Variants in PPARGC1A observed in about 807,000 individuals in gnomAD.
PPARGC1A encodes the protein peroxisome proliferator-activated receptor gamma coactivator 1-alpha.
In PPARGC1A, 25 loss-of-function variants were observed where a neutral mutation model predicts 88.7. That is an observed-to-expected ratio of 0.28 (90% confidence interval 0.21 to 0.39). PPARGC1A has a LOEUF of 0.39. PPARGC1A is among the 10% of genes least tolerant of loss of function. The pLI is 1.00. For missense variants in PPARGC1A, 880 were observed against 968.7 expected, an observed-to-expected ratio of 0.91 and a Z score of 1.22; for synonymous variants, 363 against 355.6, an observed-to-expected ratio of 1.02 and a Z score of -0.24.
At chr4:24,223,357 C>G in the PPARGC1A span, among the ~76,000 whole-genome samples, 3 of 149,732 alleles carry the variant, frequency 2.0e-5, no homozygotes, top group African/African-American at 7.4e-5. Context: ...TCAAGCGATT[C>G]TCCTGCCTCA....
chr4:23,911,477 A>G, the PPARGC1A span, among the ~76,000 whole-genome samples: 1 of 152,206 alleles, frequency 6.6e-6, no homozygotes, highest in Non-Finnish European at 1.5e-5. Context: ...GATACAATAT[A>G]GAGCTAGAGT....
chr4:24,202,413 A>G, the PPARGC1A span, among the ~76,000 whole-genome samples: 1 of 152,182 alleles, frequency 6.6e-6, no homozygotes, highest in Non-Finnish European at 1.5e-5. Context: ...ACAGAGAGCC[A>G]GGCACATGCA....
chr4:23,945,339 C>A, the PPARGC1A span, among the ~76,000 whole-genome samples: 1 of 151,990 alleles, frequency 6.6e-6, no homozygotes. Context: ...AATAAACATG[C>A]ATGCATATAC....
the PPARGC1A span, among the ~76,000 whole-genome samples, chr4:24,063,105 CTCT>C: frequency 7.9e-5 from 12 of 152,134 alleles, no homozygotes; most frequent in Non-Finnish European, 1.2e-4. Context: ...TGGCAAGTCC[CTCT>C]TCTTCTTGGC....
At chr4:23,922,935 T>C in the PPARGC1A span, among the ~76,000 whole-genome samples, 1 of 152,146 alleles carries the variant, frequency 6.6e-6, no homozygotes, top group Non-Finnish European at 1.5e-5. Flanking sequence ...TTCAAGGAAG[T>C]TGGCCGAAAC....
chr4:24,066,849 G>GTTTTTTTTTTTTTTTTTTTTTTT, the PPARGC1A span, among the ~76,000 whole-genome samples: 1 of 100,880 alleles, frequency 9.9e-6, no homozygotes, highest in Non-Finnish European at 1.9e-5. Context: ...TTTGTTTTGG[G>GTTTTTTTTTTTTTTTTTTTTTTT]TTTTTTTTTT....
chr4:23,849,953 A>C (rs564095732), intron 2 of PPARGC1A, among the ~76,000 whole-genome samples: 5 of 152,230 alleles, frequency 3.3e-5, no homozygotes, highest in African/African-American at 1.2e-4. Context: ...ATAATTATTT[A>C]AATGTTGAAT....
chr4:24,198,260 A>T, the PPARGC1A span, among the ~76,000 whole-genome samples: 1 of 152,232 alleles, frequency 6.6e-6, no homozygotes. Context: ...ATCTGTTTCA[A>T]GCATAATATG....
chr4:24,093,617 T>A, the PPARGC1A span, among the ~76,000 whole-genome samples: 1 of 152,232 alleles, frequency 6.6e-6, no homozygotes, highest in Non-Finnish European at 1.5e-5. Context: ...ACCAGTCATA[T>A]GGTTCTTACC....
the PPARGC1A span, among the ~76,000 whole-genome samples, chr4:24,345,505 TTTTAG>T: frequency 3.9e-5 from 6 of 152,256 alleles, no homozygotes; most frequent in East Asian, 9.7e-4. Context: ...CTAAAAAGTT[TTTTAG>T]TTTAGTTTAG....
the PPARGC1A span, among the ~76,000 whole-genome samples, chr4:24,036,403 A>G: frequency 6.6e-6 from 1 of 152,194 alleles, no homozygotes; most frequent in Non-Finnish European, 1.5e-5. Flanking sequence ...TATATCCAAG[A>G]GAACTGAATA....
chr4:24,378,485 A>G, the PPARGC1A span, among the ~76,000 whole-genome samples: 1 of 152,206 alleles, frequency 6.6e-6, no homozygotes, highest in Admixed American at 6.5e-5. Context: ...CATGGTTAAA[A>G]AAAAAACATC....
the PPARGC1A span, among the ~76,000 whole-genome samples, chr4:24,296,087 TAC>T: frequency 1.3e-5 from 2 of 151,070 alleles, no homozygotes; most frequent in East Asian, 3.9e-4. Flanking sequence ...TGTACATATA[TAC>T]ACACATACAT....
chr4:24,241,476 C>CAT, the PPARGC1A span, among the ~76,000 whole-genome samples: 10 of 152,214 alleles, frequency 6.6e-5, no homozygotes, highest in Non-Finnish European at 1.2e-4. Flanking sequence ...CAAGCACAGA[C>CAT]ATATTATTTT....
At chr4:24,208,556 C>T in the PPARGC1A span, among the ~76,000 whole-genome samples, 109,757 of 151,466 alleles carry the variant, frequency 0.72, 41,563 homozygotes, top group Middle Eastern at 0.89. Context: ...TGACTCATAA[C>T]AAATAATTAC....
the PPARGC1A span, among the ~76,000 whole-genome samples, chr4:24,357,119 T>C: frequency 6.6e-6 from 1 of 152,218 alleles, no homozygotes; most frequent in Non-Finnish European, 1.5e-5. Flanking sequence ...GCCTGAGCGT[T>C]CAGGTGCCAT....
At chr4:24,049,308 G>GTATATA in the PPARGC1A span, among the ~76,000 whole-genome samples, 371 of 139,532 alleles carry the variant, frequency 2.7e-3, no homozygotes, top group Middle Eastern at 7.5e-3. Context: ...ATATATGTGT[G>GTATATA]TATATATATA....
At chr4:23,869,267 G>A (rs757063553) in intron 2 of PPARGC1A, among the ~76,000 whole-genome samples, 16 of 152,200 alleles carry the variant, frequency 1.1e-4, no homozygotes, top group Non-Finnish European at 2.1e-4. Context: ...AAAGAGACAT[G>A]AGGAAAGACA....
chr4:23,980,185 CAAA>C, the PPARGC1A span, among the ~76,000 whole-genome samples: 214 of 89,478 alleles, frequency 2.4e-3, no homozygotes, highest in African/African-American at 7.6e-3. Flanking sequence ...TCCCAGCCAG[CAAA>C]AAAAAAAAAA....
Sources: allele counts gnomAD v4.1 joint callset (sites outside exome capture counted in the v4.1 genomes callset), GRCh38; gene constraint gnomAD v4.1.1; transcripts MANE v1.5; gene names NCBI Gene and HGNC (gene_info 2026-07-23, HGNC 2026-07-21).